CNTN4: variants seen among roughly 807,000 people sequenced by gnomAD.
CNTN4 encodes the protein contactin-4.
CNTN4 carries 77 observed loss-of-function variants against 122.5 expected under a neutral mutation model. The ratio of observed to expected loss-of-function variants is 0.63; its 90% CI spans 0.52 to 0.76. CNTN4 has a LOEUF of 0.76. CNTN4 is among the 30% of genes least tolerant of loss of function. The pLI is 0.00. For missense variants in CNTN4, 1,256 were observed against 1,259.1 expected (o/e 1.00, Z 0.04); for synonymous variants, 512 against 447.0 (o/e 1.15, Z -1.83).
At chr3:2,487,041 A>G (rs2076183410) in intron 3 of CNTN4, among the ~76,000 whole-genome samples, 1 of 152,140 alleles carries the variant, frequency 6.6e-6, no homozygotes, top group African/African-American at 2.4e-5. Context: ...AATTCCTGCT[A>G]CCTTCTCCCC....
chr3:2,834,973 C>T (rs547360625), intron 7 of CNTN4, among the ~76,000 whole-genome samples: 47 of 127,144 alleles, frequency 3.7e-4, no homozygotes, highest in African/African-American at 1.3e-3. Flanking sequence ...GGGGCGATCT[C>T]GGCTCACTGC....
chr3:2,462,468 G>A (rs2049262282), intron 3 of CNTN4, among the ~76,000 whole-genome samples: 2 of 152,118 alleles, frequency 1.3e-5, no homozygotes, highest in Admixed American at 6.6e-5. Context: ...GATGATTTTG[G>A]CTTCAGTAAA....
At chr3:2,420,915 A>G (rs1457461658) in intron 3 of CNTN4, among the ~76,000 whole-genome samples, 1 of 152,178 alleles carries the variant, frequency 6.6e-6, no homozygotes, top group Non-Finnish European at 1.5e-5. Context: ...TTGTCAGAGA[A>G]AGAATGTACT....
chr3:2,435,990 A>G (rs1307137245), intron 3 of CNTN4, among the ~76,000 whole-genome samples: 1 of 152,194 alleles, frequency 6.6e-6, no homozygotes, highest in Admixed American at 6.5e-5. Context: ...AACTGTTTAT[A>G]TCTCTATTAG....
intron 3 of CNTN4, among the ~76,000 whole-genome samples, chr3:2,531,137 A>G (rs899601434): frequency 8.5e-5 from 13 of 152,338 alleles, no homozygotes; most frequent in African/African-American, 2.6e-4. Context: ...ACTGCACACT[A>G]TCATTTGTGA....
chr3:2,475,762 C>G (rs2075819324), intron 3 of CNTN4, among the ~76,000 whole-genome samples: 1 of 152,092 alleles, frequency 6.6e-6, no homozygotes, highest in South Asian at 2.1e-4. Context: ...ATTGAGTTTT[C>G]TCAAAGATGA....
intron 6 of CNTN4, among the ~76,000 whole-genome samples, chr3:2,813,016 C>T (rs188363262): frequency 1.1e-3 from 165 of 152,212 alleles, no homozygotes; most frequent in Non-Finnish European, 1.9e-3. Context: ...GTCAAAAATA[C>T]GACTTTGAAA....
chr3:2,120,373 AAATAT>A (rs2033651948), intron 2 of CNTN4, among the ~76,000 whole-genome samples: 4 of 44,104 alleles, frequency 9.1e-5, no homozygotes, highest in African/African-American at 2.8e-4. Flanking sequence ...ATATATATAT[AAATAT>A]ATATATATAT....
At chr3:2,483,741 G>A (rs188959258) in intron 3 of CNTN4, among the ~76,000 whole-genome samples, 32 of 152,238 alleles carry the variant, frequency 2.1e-4, no homozygotes, top group Non-Finnish European at 7.4e-5. Flanking sequence ...GTGAAGAGGT[G>A]CCTTCTACCA....
rs562906292 is a variant in CNTN4, at chr3:2,154,296, G to T, written c.-145+53657G>T. On this transcript the variant is annotated intron_variant, in intron 2 of 24. Coordinates refer to ENST00000418658, the MANE Select transcript of CNTN4 (RefSeq NM_175607.3). ...AGCTACTCATGAAGCTGAGGCAGGA[G>T]AATTGCTTGAACCCAGGAGGTGGAG... Among the ~76,000 whole-genome samples, 5 of 151,692 alleles carry T rather than the reference G, an allele frequency of 3.3e-5. No individual in the cohort carries two copies. In the South Asian group the frequency reaches 1.0e-3, roughly 32 times the overall value.
intron 7 of CNTN4, among the ~76,000 whole-genome samples, chr3:2,836,422 A>G (rs1559559477): frequency 6.6e-6 from 1 of 152,176 alleles, no homozygotes; most frequent in African/African-American, 2.4e-5. Flanking sequence ...TTATTTATGA[A>G]TGTTGGTAAC....
At chr3:2,674,192 T>G (rs2084701716) in intron 4 of CNTN4, among the ~76,000 whole-genome samples, 2 of 152,224 alleles carry the variant, frequency 1.3e-5, no homozygotes, top group South Asian at 2.1e-4. Context: ...TCCATATGCC[T>G]CATAATAAAA....
intron 7 of CNTN4, among the ~76,000 whole-genome samples, chr3:2,820,260 G>C (rs1446677457): frequency 6.6e-6 from 1 of 152,116 alleles, no homozygotes; most frequent in Non-Finnish European, 1.5e-5. Flanking sequence ...TGCTAGAATG[G>C]TTCCCAGAAC....
At chr3:2,781,082 G>C (rs974050722) in intron 6 of CNTN4, among the ~76,000 whole-genome samples, 1 of 152,198 alleles carries the variant, frequency 6.6e-6, no homozygotes, top group Middle Eastern at 3.2e-3. Context: ...ACATGGAGTG[G>C]TGAGGTTCAA....
rs143631760 is a variant in CNTN4 at position 2,360,039 on chromosome 3, T to G, written c.-89+20806T>G. Among the ~76,000 whole-genome samples, 413 of 152,326 alleles carry G rather than the reference T, an allele frequency of 2.7e-3. 1 individual carries two copies. Among genetic ancestry groups the G allele is most frequent in the Non-Finnish European group, 1.1e-3 (78 of 68,030 alleles). On this transcript the variant is annotated intron_variant, in intron 3 of 24. Transcript: ENST00000418658. The stretch of plus-strand genomic sequence containing the variant: ...CTTAGAAGGAAAAAACTACCAGGCA[T>G]TATCTGCCAGATCTTCTCATAAGCA...
chr3:2,146,969 C>T (rs1307856493), intron 2 of CNTN4, among the ~76,000 whole-genome samples: 1 of 152,132 alleles, frequency 6.6e-6, no homozygotes, highest in African/African-American at 2.4e-5. Context: ...CAACCTCTGC[C>T]TCCTGGGTTC....
At chr3:2,778,143 A>AG (rs2091414707) in intron 6 of CNTN4, among the ~76,000 whole-genome samples, 2 of 116,374 alleles carry the variant, frequency 1.7e-5, no homozygotes, top group Non-Finnish European at 3.5e-5. Flanking sequence ...GAACCCAGGA[A>AG]GCGGAGCTTG....
intron 6 of CNTN4, among the ~76,000 whole-genome samples, chr3:2,783,977 A>T (rs1458192337): frequency 6.6e-6 from 1 of 152,188 alleles, no homozygotes; most frequent in Non-Finnish European, 1.5e-5. Context: ...TCTTTTATTA[A>T]CCATAAGCCT....
At chr3:2,304,681 A>C (rs1047272292) in intron 2 of CNTN4, among the ~76,000 whole-genome samples, 6 of 151,826 alleles carry the variant, frequency 4.0e-5, no homozygotes, top group African/African-American at 1.5e-4. Context: ...TGTGTCAGAA[A>C]TACAGCATAT....
Sources: allele counts gnomAD v4.1 joint callset (sites outside exome capture counted in the v4.1 genomes callset), GRCh38; gene constraint gnomAD v4.1.1; transcripts MANE v1.5; gene names NCBI Gene and HGNC (gene_info 2026-07-23, HGNC 2026-07-21).